DIAPH2: variants seen among roughly 807,000 people sequenced by gnomAD.
DIAPH2 encodes protein diaphanous homolog 2.
DIAPH2 carries 35 observed loss-of-function variants against 92.7 expected under a neutral mutation model. The observed-to-expected ratio is 0.38, with a 90% CI of 0.29 to 0.50. The LOEUF (loss-of-function observed/expected upper bound fraction) is 0.50, where lower values mean the gene tolerates loss of function less well. Among genes scored for constraint, DIAPH2 ranks in the 20% least tolerant of loss-of-function variants. DIAPH2 has a pLI of 0.94. For synonymous variants in DIAPH2, 301 were observed against 280.4 expected, an observed-to-expected ratio of 1.07 and a Z score of -0.73; for missense variants, 701 against 819.5, an observed-to-expected ratio of 0.86 and a Z score of 1.77.
intron 22 of DIAPH2, among the ~76,000 whole-genome samples, chrX:97,181,023 T>A (rs1301246965): frequency 1.8e-5 from 2 of 111,588 alleles, no homozygotes; most frequent in Non-Finnish European, 3.8e-5. Flanking sequence ...TTAAAGTAGT[T>A]TTTTCTAATT....
chrX:97,403,803 G>A (rs1201101672), intron 25 of DIAPH2, among the ~76,000 whole-genome samples: 1 of 110,424 alleles, frequency 9.1e-6, no homozygotes, highest in Non-Finnish European at 1.9e-5. Flanking sequence ...TGGTTATACA[G>A]TAAGTTTCTA....
chrX:96,758,020 A>C, intron 3 of DIAPH2, 134 bp from the exon 4 acceptor site: 1 of 527,861 alleles, frequency 1.9e-6, no homozygotes, highest in Non-Finnish European at 2.9e-6. Flanking sequence ...AAGTATCCCA[A>C]AAAAGGATTT....
intron 26 of DIAPH2, among the ~76,000 whole-genome samples, chrX:97,554,689 A>T (rs773994031): frequency 8.9e-6 from 1 of 111,892 alleles, no homozygotes; most frequent in Non-Finnish European, 1.9e-5. Context: ...TTTGCAACTT[A>T]TATAACTTGG....
intron 4 of DIAPH2, among the ~76,000 whole-genome samples, chrX:96,763,643 A>C (rs1308641928): frequency 3.6e-5 from 4 of 111,890 alleles, no homozygotes; most frequent in African/African-American, 1.3e-4. Context: ...GGGCTCAATT[A>C]TTAAATGGAT....
At chrX:96,736,381 G>A (rs1327535231) in intron 2 of DIAPH2, among the ~76,000 whole-genome samples, 2 of 110,794 alleles carry the variant, frequency 1.8e-5, no homozygotes, top group African/African-American at 6.6e-5. Flanking sequence ...GGAGATGAAG[G>A]TATGTGGCTT....
intron 4 of DIAPH2, among the ~76,000 whole-genome samples, chrX:96,804,115 G>T (rs1208549743): frequency 9.0e-6 from 1 of 111,392 alleles, no homozygotes; most frequent in Non-Finnish European, 1.9e-5. Flanking sequence ...GAATAATTTT[G>T]TCTGTTTCCT....
intron 21 of DIAPH2, among the ~76,000 whole-genome samples, chrX:97,138,441 C>T (rs768618188): frequency 1.3e-4 from 14 of 111,253 alleles, no homozygotes; most frequent in Admixed American, 2.9e-4. Flanking sequence ...ATTCATGTAC[C>T]ATTTTAGAAA....
At chrX:97,023,481 A>G (rs775735569) in intron 17 of DIAPH2, among the ~76,000 whole-genome samples, 2 of 111,857 alleles carry the variant, frequency 1.8e-5, no homozygotes, top group African/African-American at 6.5e-5. Context: ...TCCTCATTTT[A>G]TAAATGAGAA....
At chrX:97,113,081 C>T (rs973953185) in intron 20 of DIAPH2, among the ~76,000 whole-genome samples, 4 of 110,694 alleles carry the variant, frequency 3.6e-5, no homozygotes, top group Non-Finnish European at 7.6e-5. Flanking sequence ...CGCCCGGCCA[C>T]TTTTTCCTTT....
intron 9 of DIAPH2, among the ~76,000 whole-genome samples, chrX:96,930,360 G>A (rs1441436698): frequency 1.8e-5 from 2 of 110,774 alleles, no homozygotes; most frequent in African/African-American, 3.3e-5. Context: ...TTATAACCCT[G>A]TAGAATTGAG....
chrX:96,795,826 A>G (rs752163918), intron 4 of DIAPH2, among the ~76,000 whole-genome samples: 4 of 111,903 alleles, frequency 3.6e-5, no homozygotes, highest in Non-Finnish European at 5.6e-5. Context: ...TTTTATCTTT[A>G]TATTAAAGTG....
intron 23 of DIAPH2, among the ~76,000 whole-genome samples, chrX:97,346,748 T>C (rs1345918675): frequency 9.0e-6 from 1 of 111,385 alleles, no homozygotes; most frequent in Non-Finnish European, 1.9e-5. Context: ...GGCATATTTG[T>C]TCAGATTCTT....
At chrX:96,839,398 C>A (rs866882317) in intron 4 of DIAPH2, among the ~76,000 whole-genome samples, 16 of 111,096 alleles carry the variant, frequency 1.4e-4, no homozygotes, top group African/African-American at 4.6e-4. Flanking sequence ...CCTCCTATGA[C>A]TAAAATGTCC....
At chrX:97,430,999 A>C (rs1033010218) in intron 26 of DIAPH2, among the ~76,000 whole-genome samples, 1 of 112,109 alleles carries the variant, frequency 8.9e-6, no homozygotes, top group Non-Finnish European at 1.9e-5. Flanking sequence ...AATGCATCGT[A>C]GATGGCCTAC....
At chrX:96,984,724 G>A (rs1247269536) in intron 17 of DIAPH2, among the ~76,000 whole-genome samples, 1 of 111,212 alleles carries the variant, frequency 9.0e-6, no homozygotes, top group East Asian at 2.8e-4. Context: ...TGAGGGTTCT[G>A]CACGTTCCTT....
At chrX:97,315,525 C>T (rs140863257) in intron 23 of DIAPH2, among the ~76,000 whole-genome samples, 4 of 111,322 alleles carry the variant, frequency 3.6e-5, no homozygotes, top group Non-Finnish European at 7.5e-5. Flanking sequence ...TACCCCCACT[C>T]CTCTACACAC....
chrX:96,822,804 G>A (rs369807923), intron 4 of DIAPH2, among the ~76,000 whole-genome samples: 1 of 112,330 alleles, frequency 8.9e-6, no homozygotes, highest in African/African-American at 3.2e-5. Context: ...GGCAAATGCC[G>A]ATTTTATAAC....
chrX:97,529,601 G>GC, intron 26 of DIAPH2, among the ~76,000 whole-genome samples: 1 of 111,747 alleles, frequency 8.9e-6, no homozygotes. Flanking sequence ...TATGTTAAGT[G>GC]CTAATGTGGA....
At chrX:97,132,343 G>A (rs2067143524) in intron 21 of DIAPH2, among the ~76,000 whole-genome samples, 1 of 111,781 alleles carries the variant, frequency 8.9e-6, no homozygotes, top group Non-Finnish European at 1.9e-5. Flanking sequence ...CCCTAGTCAT[G>A]TAGTGCCCAG....
Sources: gnomAD v4.1 joint callset for allele counts (sites outside exome capture counted in the v4.1 genomes callset) on GRCh38, gnomAD v4.1.1 for gene constraint, MANE v1.5 for transcripts, NCBI Gene and HGNC (gene_info 2026-07-23, HGNC 2026-07-21) for gene names.